Variants in TENM4 observed in about 807,000 individuals in gnomAD.
TENM4 encodes the protein teneurin-4.
Under a neutral mutation model 243.3 loss-of-function variants are expected in TENM4, and 82 were observed. The observed-to-expected ratio is 0.34, with a 90% CI of 0.28 to 0.40. The LOEUF (loss-of-function observed/expected upper bound fraction) is 0.40. TENM4 is among the 10% of genes least tolerant of loss of function. TENM4 has a pLI of 1.00. For synonymous variants in TENM4, 1,412 were observed against 1,456.3 expected (o/e 0.97, Z 0.69); for missense variants, 3,138 against 3,673.3 (o/e 0.85, Z 3.77).
intron 23 of TENM4, among the ~76,000 whole-genome samples, chr11:78,724,535 G>A (rs1179540493): frequency 1.3e-5 from 2 of 152,256 alleles, no homozygotes; most frequent in East Asian, 3.9e-4. Flanking sequence ...CCAATACTAA[G>A]TTCTAAAACA....
chr11:79,089,778 A>G (rs1407667246), intron 4 of TENM4, among the ~76,000 whole-genome samples: 1 of 152,300 alleles, frequency 6.6e-6, no homozygotes, highest in African/African-American at 2.4e-5. Flanking sequence ...ATACACCAAT[A>G]ACAAGTACAC....
intron 1 of TENM4, among the ~76,000 whole-genome samples, chr11:79,308,088 G>C (rs1478220188): frequency 6.6e-6 from 1 of 152,238 alleles, no homozygotes; most frequent in Non-Finnish European, 1.5e-5. Context: ...GCTCAGGCTG[G>C]GTGGAGAGGC....
At chr11:78,991,652 G>A (rs774390456) in intron 6 of TENM4, among the ~76,000 whole-genome samples, 33 of 152,160 alleles carry the variant, frequency 2.2e-4, no homozygotes, top group Admixed American at 7.9e-4. Flanking sequence ...GCCCTTGCTC[G>A]TCACATTTCC....
chr11:79,420,275 G>T (rs904255606), intron 1 of TENM4, among the ~76,000 whole-genome samples: 1 of 152,098 alleles, frequency 6.6e-6, no homozygotes, highest in Non-Finnish European at 1.5e-5. Flanking sequence ...GAACAAAAAC[G>T]CATTTCATTT....
At chr11:78,755,114 G>A (rs1303630544) in intron 19 of TENM4, among the ~76,000 whole-genome samples, 4 of 152,108 alleles carry the variant, frequency 2.6e-5, no homozygotes, top group Non-Finnish European at 4.4e-5. Flanking sequence ...GGCTCCCCAT[G>A]GCTTCTTCTT....
At chr11:78,894,641 T>C (rs1041519098) in intron 7 of TENM4, among the ~76,000 whole-genome samples, 2 of 152,162 alleles carry the variant, frequency 1.3e-5, no homozygotes, top group Non-Finnish European at 2.9e-5. Flanking sequence ...CATGCTCATG[T>C]GCATATTAAT....
At chr11:79,209,590 G>A (rs929767390) in intron 3 of TENM4, among the ~76,000 whole-genome samples, 9 of 152,174 alleles carry the variant, frequency 5.9e-5, no homozygotes, top group African/African-American at 1.7e-4. Context: ...GGGAGGCCGC[G>A]GGCATCCTGA....
rs752521732 is a variant in TENM4 at position 78,935,874 on chromosome 11, T to C, written c.494-32351A>G. Among the ~76,000 whole-genome samples, 24 of 152,322 alleles carry C rather than the reference T, an allele frequency of 1.6e-4. 1 individual carries two copies. The highest frequency in any genetic ancestry group is 2.1e-4 in the South Asian group (1 of 4,818). ...GATTCTAGTTTCGGTTTTGCAACCGTTGAATGGAGCCACCTTGAGCAGATC... is the reference window on the plus strand; with the variant it reads ...GATTCTAGTTTCGGTTTTGCAACCGCTGAATGGAGCCACCTTGAGCAGATC... On this transcript the variant is annotated intron_variant, in intron 6 of 33. Transcript: ENST00000278550.
chr11:78,675,314 G>C (rs1858440230), intron 30 of TENM4, among the ~76,000 whole-genome samples: 1 of 152,216 alleles, frequency 6.6e-6, no homozygotes, highest in Non-Finnish European at 1.5e-5. Context: ...TCTGAGCTGT[G>C]TTGCTATGAG....
intron 3 of TENM4, among the ~76,000 whole-genome samples, chr11:79,160,365 C>T (rs767436350): frequency 1.2e-4 from 19 of 152,166 alleles, no homozygotes; most frequent in Non-Finnish European, 2.2e-4. Flanking sequence ...GGAAGGCAAC[C>T]GTGCAGAATG....
At chr11:78,780,687 G>C (rs1856822987) in intron 16 of TENM4, among the ~76,000 whole-genome samples, 1 of 152,126 alleles carries the variant, frequency 6.6e-6, no homozygotes, top group Admixed American at 6.5e-5. Context: ...CAGGGCCAGG[G>C]GCTGACTTAA....
chr11:79,107,967 G>A (rs887503989), intron 4 of TENM4, among the ~76,000 whole-genome samples: 3 of 152,328 alleles, frequency 2.0e-5, no homozygotes, highest in Admixed American at 6.5e-5. Context: ...AGCTATTTAT[G>A]TAACTGTCAC....
chr11:78,726,512 T>C (rs539835513), intron 22 of TENM4, among the ~76,000 whole-genome samples: 1 of 152,238 alleles, frequency 6.6e-6, no homozygotes. Flanking sequence ...ATCTTTAGTA[T>C]GTGATGGGGT....
chr11:79,237,451 C>T (rs771917609), intron 2 of TENM4, among the ~76,000 whole-genome samples: 2 of 152,148 alleles, frequency 1.3e-5, no homozygotes, highest in Admixed American at 6.5e-5. Flanking sequence ...CCGAGGCAGG[C>T]GGATCACCTG....
At chr11:79,313,630 A>G (rs1206743643) in intron 1 of TENM4, among the ~76,000 whole-genome samples, 1 of 152,112 alleles carries the variant, frequency 6.6e-6, no homozygotes, top group Non-Finnish European at 1.5e-5. Context: ...TGTCTGCTTC[A>G]TGCTCTTCTC....
At chr11:78,936,025 C>T (rs1426500629) in intron 6 of TENM4, among the ~76,000 whole-genome samples, 1 of 152,172 alleles carries the variant, frequency 6.6e-6, no homozygotes, top group African/African-American at 2.4e-5. Context: ...TGTAACAGTT[C>T]ATTCCCCAGT....
chr11:79,300,540 G>A (rs1365388845), intron 1 of TENM4, among the ~76,000 whole-genome samples: 1 of 152,090 alleles, frequency 6.6e-6, no homozygotes, highest in Non-Finnish European at 1.5e-5. Context: ...CTCCTCACCC[G>A]AGTGTATCAC....
chr11:78,942,774 C>T (rs1047373000), intron 6 of TENM4, among the ~76,000 whole-genome samples: 3 of 151,720 alleles, frequency 2.0e-5, no homozygotes, highest in East Asian at 3.9e-4. Context: ...TCCCTCTCCC[C>T]CTCCTACGTA....
intron 20 of TENM4, among the ~76,000 whole-genome samples, chr11:78,733,194 A>G (rs1350682858): frequency 6.6e-6 from 1 of 152,240 alleles, no homozygotes; most frequent in Admixed American, 6.5e-5. Context: ...CTCAATTAGA[A>G]ACACAGTATC....
Sources: allele counts gnomAD v4.1 joint callset (sites outside exome capture counted in the v4.1 genomes callset), GRCh38; gene constraint gnomAD v4.1.1; transcripts MANE v1.5; gene names NCBI Gene and HGNC (gene_info 2026-07-23, HGNC 2026-07-21).